RAB12: variants seen among roughly 807,000 people sequenced by gnomAD.
RAB12 encodes the protein ras-related protein Rab-12.
A neutral mutation model predicts 28.4 loss-of-function variants in RAB12; 11 were observed. The observed-to-expected ratio is 0.39, with a 90% confidence interval of 0.24 to 0.64. RAB12 has a LOEUF of 0.64. Ranked by LOEUF, RAB12 falls within the 30% of genes least tolerant of loss-of-function variation. The pLI, the probability that RAB12 is intolerant of heterozygous loss-of-function variation, is 0.50. For missense variants in RAB12, 276 were observed against 351.1 expected, an observed-to-expected ratio of 0.79 and a Z score of 1.71; for synonymous variants, 138 against 145.3, an observed-to-expected ratio of 0.95 and a Z score of 0.36.
At chr18:8,631,346 C>T (rs1474631025) in intron 2 of RAB12, among the ~76,000 whole-genome samples, 2 of 152,118 alleles carry the variant, frequency 1.3e-5, no homozygotes, top group African/African-American at 4.8e-5. Flanking sequence ...TAACAGCCTA[C>T]CATAGAGGTG....
intron 1 of RAB12, among the ~76,000 whole-genome samples, chr18:8,614,521 A>AG (rs1219419690): frequency 6.5e-5 from 6 of 92,742 alleles, no homozygotes; most frequent in East Asian, 2.1e-4. Context: ...AAAAAAAAGA[A>AG]AAAAAAAAGA....
At chr18:8,612,367 C>G (rs767578007) in intron 1 of RAB12, among the ~76,000 whole-genome samples, 1 of 152,076 alleles carries the variant, frequency 6.6e-6, no homozygotes, top group East Asian at 1.9e-4. Flanking sequence ...TTGTGGTTGC[C>G]TTACCTGAAC....
intron 2 of RAB12, among the ~76,000 whole-genome samples, chr18:8,630,558 C>T (rs1157604902): frequency 2.6e-5 from 4 of 152,158 alleles, no homozygotes; most frequent in African/African-American, 9.7e-5. Context: ...CAGCACCAGC[C>T]TTTCAGGTTA....
At chr18:8,625,085 AT>A in intron 2 of RAB12, 87 bp downstream of exon 2, 1 of 812,638 alleles carries the variant, frequency 1.2e-6, no homozygotes, top group Non-Finnish European at 2.0e-6. Context: ...GTTTGAGCTG[AT>A]TTGCCTCTCC....
At chr18:8,628,897 T>C (rs371055476) in intron 2 of RAB12, among the ~76,000 whole-genome samples, 36 of 152,324 alleles carry the variant, frequency 2.4e-4, no homozygotes, top group African/African-American at 8.2e-4. Context: ...AGTTGACTTA[T>C]ACTGAAAACC....
intron 1 of RAB12, among the ~76,000 whole-genome samples, chr18:8,622,209 G>A (rs551163592): frequency 6.6e-6 from 1 of 152,258 alleles, no homozygotes; most frequent in Non-Finnish European, 1.5e-5. Flanking sequence ...CAATAAAGTC[G>A]CAGCCACTGC....
At chr18:8,617,219 A>G (rs898295050) in intron 1 of RAB12, among the ~76,000 whole-genome samples, 2 of 152,226 alleles carry the variant, frequency 1.3e-5, no homozygotes, top group African/African-American at 4.8e-5. Context: ...CTCTTTTCCT[A>G]ATTTATCCTG....
At chr18:8,620,115 A>G (rs2096008913) in intron 1 of RAB12, among the ~76,000 whole-genome samples, 1 of 133,204 alleles carries the variant, frequency 7.5e-6, no homozygotes, top group Non-Finnish European at 1.6e-5. Context: ...CTGGGTGACA[A>G]AGCCTTCTTT....
rs534485969 is a variant in RAB12, at chr18:8,638,589, T to C, written c.*327T>C. The stretch of plus-strand genomic sequence containing the variant: ...ATAATATAATTGTCCTTATTAATTA[T>C]ATTATGAGGACAGAAGATATTCTGA... On this transcript the variant is annotated 3_prime_UTR_variant, in exon 6 of 6. Transcript: ENST00000649141. 1 of 182,456 alleles carries C rather than the reference T, an allele frequency of 5.5e-6. No individual in the cohort carries two copies. Among genetic ancestry groups the C allele is most frequent in the South Asian group, 1.3e-4 (1 of 7,430 alleles). 11.3% of individuals were successfully genotyped at this position (182,456 alleles called of 1,614,324 possible). A position where few individuals can be genotyped will look rare whatever the true frequency, so the allele number is the denominator to read the frequency against.
rs145871737 is a variant in RAB12 at position 8,624,558 on chromosome 18, T to C, written c.515-380T>C. ...ATTAAGTTTGATTAAGTTTCCAGTGTTCCATATAAGAATTTTCCCTGAGAA... is the reference window on the plus strand; with the variant it reads ...ATTAAGTTTGATTAAGTTTCCAGTGCTCCATATAAGAATTTTCCCTGAGAA... On this transcript the variant is annotated intron_variant, in intron 1 of 5. Transcript: ENST00000649141. Among the ~76,000 whole-genome samples the C allele has an allele frequency of 1.7e-3, 262 of 152,362 alleles. 1 individual carries two copies. Among genetic ancestry groups the C allele is most frequent in the African/African-American group, 6.2e-3 (258 of 41,590 alleles).
At chr18:8,625,278 C>T (rs868423163) in intron 2 of RAB12, among the ~76,000 whole-genome samples, 12 of 152,278 alleles carry the variant, frequency 7.9e-5, no homozygotes, top group Middle Eastern at 6.8e-3. Flanking sequence ...AAATTATTTA[C>T]GTGATATCAA....
chr18:8,610,937 A>G (rs968689441), intron 1 of RAB12, among the ~76,000 whole-genome samples: 21 of 152,258 alleles, frequency 1.4e-4, no homozygotes, highest in African/African-American at 4.6e-4. Flanking sequence ...AACCAGTGGT[A>G]GTTCCAAGGC....
intron 1 of RAB12, 149 bp downstream of exon 1, chr18:8,610,102 C>G (rs2096002857): frequency 3.4e-6 from 2 of 593,262 alleles, no homozygotes; most frequent in Non-Finnish European, 5.8e-6. Flanking sequence ...CTTGGAGCGC[C>G]CTGCATCCCA....
At chr18:8,632,171 G>C (rs558137764) in intron 2 of RAB12, among the ~76,000 whole-genome samples, 3 of 151,766 alleles carry the variant, frequency 2.0e-5, no homozygotes, top group Non-Finnish European at 2.9e-5. Flanking sequence ...CCAGGTTGTC[G>C]GGAGGCTGAG....
intron 2 of RAB12, among the ~76,000 whole-genome samples, chr18:8,630,007 T>A (rs1416331843): frequency 6.6e-6 from 1 of 152,216 alleles, no homozygotes; most frequent in East Asian, 1.9e-4. Context: ...CATTGAGCCT[T>A]ATTGGAATTA....
intron 2 of RAB12, among the ~76,000 whole-genome samples, chr18:8,628,871 A>ATT (rs2096014339): frequency 6.6e-6 from 1 of 152,050 alleles, no homozygotes; most frequent in Non-Finnish European, 1.5e-5. Flanking sequence ...ATTGAATGTG[A>ATT]ATGGAAGTGC....
rs2096011037 is a variant in RAB12 at position 8,623,512 on chromosome 18, A to T, written c.515-1426A>T. 2.0e-5 allele frequency among the ~76,000 whole-genome samples: 3 copies of T among 152,270 alleles called. No homozygotes were observed. The South Asian group carries it at 6.2e-4, about 31-fold the overall frequency. On this transcript the variant is annotated intron_variant, in intron 1 of 5. Coordinates refer to ENST00000649141, the MANE Select transcript of RAB12 (RefSeq NM_001025300.3). ...TCATTAAACTGTGCTGCTTTAAACCAGATAGCAAATATCTGCGCTATTTTG... is the reference window on the plus strand; with the variant it reads ...TCATTAAACTGTGCTGCTTTAAACCTGATAGCAAATATCTGCGCTATTTTG...
At chr18:8,622,941 GT>G (rs2096010714) in intron 1 of RAB12, among the ~76,000 whole-genome samples, 1 of 152,234 alleles carries the variant, frequency 6.6e-6, no homozygotes, top group South Asian at 2.1e-4. Context: ...ATATGGCTCT[GT>G]TCCGCCCGGC....
intron 2 of RAB12, among the ~76,000 whole-genome samples, chr18:8,627,829 C>A (rs1406244455): frequency 6.6e-6 from 1 of 152,142 alleles, no homozygotes; most frequent in African/African-American, 2.4e-5. Context: ...AGCATCATTC[C>A]TTTTGTTCTC....
Sources: allele counts gnomAD v4.1 joint callset (sites outside exome capture counted in the v4.1 genomes callset), GRCh38; gene constraint gnomAD v4.1.1; transcripts MANE v1.5; gene names NCBI Gene and HGNC (gene_info 2026-07-23, HGNC 2026-07-21).